Variants in PCDH15 observed in about 807,000 individuals in gnomAD.
The protein encoded by PCDH15 is protocadherin-15.
Under a neutral mutation model 178.5 loss-of-function variants are expected in PCDH15, and 129 were observed. The ratio of observed to expected loss-of-function variants is 0.72; its 90% confidence interval spans 0.63 to 0.84. PCDH15 has a LOEUF of 0.84. Ranked by LOEUF, PCDH15 falls within the 40% of genes least tolerant of loss-of-function variation. The pLI is 0.00. For missense variants in PCDH15, 2,230 were observed against 2,099.9 expected, an observed-to-expected ratio of 1.06 and a Z score of -1.21; for synonymous variants, 800 against 732.0, an observed-to-expected ratio of 1.09 and a Z score of -1.50.
chr10:55,313,917 G>A (rs970302369), intron 1 of PCDH15, among the ~76,000 whole-genome samples: 1 of 152,020 alleles, frequency 6.6e-6, no homozygotes, highest in Non-Finnish European at 1.5e-5. Context: ...TGATGAGGGA[G>A]GTAGACAGTG....
intron 2 of PCDH15, among the ~76,000 whole-genome samples, chr10:54,955,464 C>T (rs1426176442): frequency 2.0e-5 from 3 of 151,246 alleles, no homozygotes; most frequent in African/African-American, 7.3e-5. Context: ...TTGATGTTCA[C>T]ATTCTTCCAG....
rs575486201 is a variant in PCDH15, at chr10:55,425,802, A to C, written c.-156+201823T>G. On this transcript the variant is annotated intron_variant, in intron 2 of 5. Coordinates refer to the PCDH15 transcript ENST00000613346. ...TATTAATATATGCTGTGAAATGTCA[A>C]ATTTATGACACAAATGAGTGTATTT... 2.6e-5 allele frequency among the ~76,000 whole-genome samples: 4 copies of C among 152,328 alleles called. No homozygotes were observed. The South Asian group carries it at 8.3e-4, about 32-fold the overall frequency.
At chr10:54,108,323 G>C (rs188479735) in intron 15 of PCDH15, among the ~76,000 whole-genome samples, 1 of 152,242 alleles carries the variant, frequency 6.6e-6, no homozygotes, top group Admixed American at 6.5e-5. Context: ...CTGTGCACTT[G>C]AGAGAGGGAG....
rs756484846 is a variant in PCDH15 at position 54,079,340 on chromosome 10, C to A, written c.2082G>T (p.Arg694Ser). Residue 694 changes from arginine to serine, a missense_variant, in exon 17 of 38, where the codon AGG (arginine) becomes AGT (serine). Transcript: ENST00000644397. ...YILIITASDG[R>S]PDGTSTATVN... ...CAGGGAGCATACTCACCCCATCTGG[C>A]CTGCCATCTGAAGCTGTGATGATCA... 1.9e-6 allele frequency: 3 copies of A among 1,614,052 alleles called. No individual in the cohort carries two copies.
At chr10:55,575,344 G>A (rs4338447) in intron 2 of PCDH15, among the ~76,000 whole-genome samples, 112,799 of 151,986 alleles carry the variant, frequency 0.74, 42,725 homozygotes, top group East Asian at 0.99. Flanking sequence ...ATAGAAAACC[G>A]TGCAGATTCA....
intron 2 of PCDH15, among the ~76,000 whole-genome samples, chr10:55,606,494 C>G (rs1843220144): frequency 6.7e-6 from 1 of 149,594 alleles, no homozygotes; most frequent in African/African-American, 2.5e-5. Context: ...TGACTTCAAA[C>G]TATACTACAA....
chr10:55,292,551 T>C (rs1843033386), intron 1 of PCDH15, among the ~76,000 whole-genome samples: 1 of 151,950 alleles, frequency 6.6e-6, no homozygotes, highest in Admixed American at 6.6e-5. Context: ...CCGGCTAATT[T>C]TTGTATTTTT....
At chr10:54,468,844 A>G (rs951152418) in intron 3 of PCDH15, among the ~76,000 whole-genome samples, 17 of 152,116 alleles carry the variant, frequency 1.1e-4, no homozygotes, top group Non-Finnish European at 1.8e-4. Context: ...TTTGCTGTGC[A>G]TATATTTACA....
intron 1 of PCDH15, among the ~76,000 whole-genome samples, chr10:54,682,713 C>G (rs1293395564): frequency 6.6e-6 from 1 of 152,102 alleles, no homozygotes; most frequent in African/African-American, 2.4e-5. Context: ...GATACTCTCA[C>G]ATTCTTAAAA....
chr10:53,812,492 C>CTCA (rs2075906999), intron 35 of PCDH15, among the ~76,000 whole-genome samples: 2 of 151,870 alleles, frequency 1.3e-5, no homozygotes, highest in Admixed American at 1.3e-4. Context: ...GGATTACAGG[C>CTCA]GTGAGCCACT....
At chr10:54,508,036 C>T (rs965533800) in intron 3 of PCDH15, among the ~76,000 whole-genome samples, 1 of 151,974 alleles carries the variant, frequency 6.6e-6, no homozygotes, top group African/African-American at 2.4e-5. Flanking sequence ...CTGCATAACA[C>T]ATCCCCAAGA....
intron 2 of PCDH15, among the ~76,000 whole-genome samples, chr10:54,940,738 T>C (rs1193535760): frequency 6.6e-6 from 1 of 152,118 alleles, no homozygotes. Flanking sequence ...GTAACTCTTA[T>C]ATCTTTGTGA....
intron 1 of PCDH15, among the ~76,000 whole-genome samples, chr10:54,767,928 A>T (rs1288731806): frequency 6.6e-6 from 1 of 152,162 alleles, no homozygotes; most frequent in Non-Finnish European, 1.5e-5. Flanking sequence ...AACTTAGGAA[A>T]TATGAATAAA....
At chr10:54,084,581 C>T (rs1168705924) in intron 16 of PCDH15, among the ~76,000 whole-genome samples, 1 of 152,092 alleles carries the variant, frequency 6.6e-6, no homozygotes, top group Non-Finnish European at 1.5e-5. Flanking sequence ...CTAGCCTGGG[C>T]AACAGAGTAA....
chr10:55,556,121 A>G (rs2132093054), intron 2 of PCDH15, among the ~76,000 whole-genome samples: 1 of 151,870 alleles, frequency 6.6e-6, no homozygotes, highest in East Asian at 1.9e-4. Flanking sequence ...ATTAATTTTT[A>G]TTTGTTGTTT....
intron 18 of PCDH15, among the ~76,000 whole-genome samples, chr10:54,043,375 C>A (rs978195754): frequency 6.6e-6 from 1 of 151,046 alleles, no homozygotes; most frequent in Non-Finnish European, 1.5e-5. Flanking sequence ...ACAACCTGCT[C>A]TCTCTCTCTC....
chr10:53,816,328 G>A (rs574250626), intron 34 of PCDH15, 51 bp from the exon 35 acceptor site: 22 of 398,430 alleles, frequency 5.5e-5, no homozygotes, highest in Middle Eastern at 6.3e-4. Context: ...ATTCAGATGG[G>A]AAAGGTAGAT....
chr10:53,868,228 T>C, intron 26 of PCDH15, among the ~76,000 whole-genome samples: 1 of 152,094 alleles, frequency 6.6e-6, no homozygotes, highest in Non-Finnish European at 1.5e-5. Flanking sequence ...CAATGATTAT[T>C]ATTTTTATTA....
At chr10:53,842,487 T>A (rs1194102700) in intron 28 of PCDH15, among the ~76,000 whole-genome samples, 2 of 152,108 alleles carry the variant, frequency 1.3e-5, no homozygotes, top group East Asian at 3.9e-4. Context: ...CCTCAAGTGA[T>A]CCGCCCGCCT....
Sources: gnomAD v4.1 joint callset for allele counts (sites outside exome capture counted in the v4.1 genomes callset) on GRCh38, gnomAD v4.1.1 for gene constraint, MANE v1.5 for transcripts, NCBI Gene and HGNC (gene_info 2026-07-23, HGNC 2026-07-21) for gene names.